HIPK3: variants seen among roughly 807,000 people sequenced by gnomAD.
The protein encoded by HIPK3 is homeodomain-interacting protein kinase 3.
HIPK3 carries 47 observed loss-of-function variants against 124.2 expected under a neutral mutation model. That is an observed-to-expected ratio of 0.38 (90% CI 0.30 to 0.48). HIPK3 has a LOEUF of 0.48. Among genes scored for constraint, HIPK3 ranks in the 20% least tolerant of loss-of-function variants. The pLI is 0.98. For synonymous variants in HIPK3, 482 were observed against 515.2 expected (o/e 0.94, Z 0.87); for missense variants, 1,286 against 1,454.3 (o/e 0.88, Z 1.88).
chr11:33,344,993 A>G (rs1030440241), intron 8 of HIPK3, among the ~76,000 whole-genome samples: 2 of 152,210 alleles, frequency 1.3e-5, no homozygotes, highest in Non-Finnish European at 2.9e-5. Context: ...TGAGATAGTA[A>G]TTATGGTACC....
intron 2 of HIPK3, among the ~76,000 whole-genome samples, chr11:33,301,261 C>T (rs765822147): frequency 6.6e-6 from 1 of 152,150 alleles, no homozygotes; most frequent in Non-Finnish European, 1.5e-5. Context: ...GTATTTGCAG[C>T]TCTTTTATTC....
At chr11:33,314,450 C>G (rs1490934264) in intron 2 of HIPK3, among the ~76,000 whole-genome samples, 1 of 152,048 alleles carries the variant, frequency 6.6e-6, no homozygotes, top group African/African-American at 2.4e-5. Context: ...GTCAGGAGTT[C>G]AAGAGCAGCC....
At chr11:33,327,371 A>G (rs1025877483) in intron 2 of HIPK3, among the ~76,000 whole-genome samples, 1 of 152,308 alleles carries the variant, frequency 6.6e-6, no homozygotes, top group Non-Finnish European at 1.5e-5. Flanking sequence ...TCTGTCCTGT[A>G]ATATGTTATA....
chr11:33,345,900 T>C (rs1354520783), intron 8 of HIPK3, among the ~76,000 whole-genome samples: 1 of 152,100 alleles, frequency 6.6e-6, no homozygotes, highest in African/African-American at 2.4e-5. Flanking sequence ...AATAGAAAAT[T>C]TGAGGTTGTT....
At chr11:33,272,782 C>A (rs867704156) in intron 1 of HIPK3, among the ~76,000 whole-genome samples, 1 of 942 alleles carries the variant, frequency 1.1e-3, no homozygotes, top group African/African-American at 4.5e-3. Context: ...CCTCCCTCCC[C>A]CTCCCTCCCT....
chr11:33,345,095 T>C, intron 8 of HIPK3, among the ~76,000 whole-genome samples: 1 of 152,092 alleles, frequency 6.6e-6, no homozygotes, highest in East Asian at 1.9e-4. Context: ...TTTAATATAT[T>C]TTAGATATTA....
chr11:33,300,021 C>CAAAAAAAAA (rs58435948), intron 2 of HIPK3, among the ~76,000 whole-genome samples: 1 of 95,152 alleles, frequency 1.1e-5, no homozygotes, highest in Non-Finnish European at 2.0e-5. Flanking sequence ...GACCCTGTCT[C>CAAAAAAAAA]AAAAAAAAAA....
chr11:33,308,757 T>A (rs1852240300), intron 2 of HIPK3, among the ~76,000 whole-genome samples: 1 of 150,910 alleles, frequency 6.6e-6, no homozygotes, highest in South Asian at 2.1e-4. Context: ...TTTTTTTTTT[T>A]AACATTTTCT....
chr11:33,288,793 A>T lies in HIPK3; in HGVS notation c.1097+1282A>T, dbSNP rs185141607. 2.6e-3 allele frequency among the ~76,000 whole-genome samples: 390 copies of T among 152,348 alleles called. 1 individual carries two copies. The highest frequency in any genetic ancestry group is 3.4e-3 in the Non-Finnish European group (232 of 68,018). On this transcript the variant is annotated intron_variant, in intron 2 of 16. Transcript: ENST00000303296. ...CTTAAATTATTTTCATATAAGCCTG[A>T]GTGAATTTATGTTCTTGGTATTTGC...
chr11:33,355,815 C>A lies in HIPK3; in HGVS notation c.*2247C>A, dbSNP rs568719303. ...AGTGTTTTTAGTAATTAATTCTATG[C>A]ATTTTATACAAATAGAAATATATAT... On this transcript the variant is annotated 3_prime_UTR_variant, in exon 17 of 17. Transcript: ENST00000303296. 1.6e-4 allele frequency: 24 copies of A among 151,720 alleles called. No homozygotes were observed. Among genetic ancestry groups the A allele is most frequent in the African/African-American group, 5.8e-4 (24 of 41,482 alleles). 9.4% of individuals were successfully genotyped at this position (151,720 alleles called of 1,614,324 possible). A position where few individuals can be genotyped will look rare whatever the true frequency, so the allele number is the denominator to read the frequency against.
intron 1 of HIPK3, chr11:33,258,796 G>A (rs927152110): frequency 2.2e-6 from 2 of 902,194 alleles, no homozygotes; most frequent in African/African-American, 3.6e-5. Context: ...CAGAGTAGTC[G>A]TAACACGTTC....
At chr11:33,284,795 G>C (rs1851504930) in intron 1 of HIPK3, among the ~76,000 whole-genome samples, 1 of 152,204 alleles carries the variant, frequency 6.6e-6, no homozygotes, top group Non-Finnish European at 1.5e-5. Flanking sequence ...TGTGCAAGTA[G>C]AAAACATGGA....
At chr11:33,268,499 A>G (rs1851034367) in intron 1 of HIPK3, among the ~76,000 whole-genome samples, 1 of 151,048 alleles carries the variant, frequency 6.6e-6, no homozygotes. Context: ...ACTGAGACAG[A>G]AAGATCATTT....
At chr11:33,303,883 T>A (rs1316115777) in intron 2 of HIPK3, among the ~76,000 whole-genome samples, 1 of 152,186 alleles carries the variant, frequency 6.6e-6, no homozygotes, top group Non-Finnish European at 1.5e-5. Flanking sequence ...TTACAAAGAA[T>A]GTCGTGTATA....
intron 1 of HIPK3, among the ~76,000 whole-genome samples, chr11:33,282,378 C>CA (rs201483608): frequency 0.011 from 1,644 of 146,306 alleles, 8 homozygotes; most frequent in Non-Finnish European, 0.015. Flanking sequence ...AAGACTGTCT[C>CA]AAAAAAAAAG....
At chr11:33,258,274 G>A (rs1386947689) in intron 1 of HIPK3, 1 of 984,524 alleles carries the variant, frequency 1.0e-6, no homozygotes, top group African/African-American at 1.7e-5. Context: ...TAGTCCCACG[G>A]GGAGCCTCTC....
chr11:33,311,997 C>CACA (rs767765178), intron 2 of HIPK3, among the ~76,000 whole-genome samples: 1 of 146,366 alleles, frequency 6.8e-6, no homozygotes, highest in South Asian at 2.2e-4. Context: ...CACACACACA[C>CACA]CACGAAAAAA....
intron 1 of HIPK3, among the ~76,000 whole-genome samples, chr11:33,265,772 CAAAAAAAAAAA>C (rs55837408): frequency 1.5e-5 from 1 of 64,796 alleles, no homozygotes; most frequent in East Asian, 4.5e-4. Flanking sequence ...GACCTTGTCT[CAAAAAAAAAAA>C]AAAAAAAAAA....
upstream of HIPK3, chr11:33,257,177 G>C (rs1370376751): frequency 2.4e-5 from 22 of 935,466 alleles, no homozygotes; most frequent in Non-Finnish European, 2.7e-5. Context: ...GGCCGCACGG[G>C]CTGGCAGGCG....
Sources: gnomAD v4.1 joint callset for allele counts (sites outside exome capture counted in the v4.1 genomes callset) on GRCh38, gnomAD v4.1.1 for gene constraint, MANE v1.5 for transcripts, NCBI Gene and HGNC (gene_info 2026-07-23, HGNC 2026-07-21) for gene names.